MAF: variants seen among roughly 807,000 people sequenced by gnomAD.
MAF encodes the protein MAF bZIP transcription factor.
In MAF, 10 loss-of-function variants were observed where a neutral mutation model predicts 22.0. That is an observed-to-expected ratio of 0.45 (90% confidence interval 0.28 to 0.77). The LOEUF (loss-of-function observed/expected upper bound fraction) is 0.77. Ranked by LOEUF, MAF falls within the 30% of genes least tolerant of loss-of-function variation. The pLI, the probability that MAF is intolerant of heterozygous loss-of-function variation, is 0.12. For missense variants in MAF, 544 were observed against 548.4 expected (o/e 0.99, Z 0.08); for synonymous variants, 337 against 255.8 (o/e 1.32, Z -3.03).
the MAF span, among the ~76,000 whole-genome samples, chr16:79,307,272 G>C: frequency 8.5e-5 from 13 of 152,192 alleles, no homozygotes; most frequent in Non-Finnish European, 1.5e-4. Flanking sequence ...TGAACTCGTA[G>C]CCCTAGGAGC....
At chr16:79,586,692 T>C (rs1597833228) in intron 1 of MAF, among the ~76,000 whole-genome samples, 1 of 152,248 alleles carries the variant, frequency 6.6e-6, no homozygotes, top group African/African-American at 2.4e-5. Flanking sequence ...CTAATGTAAG[T>C]GGCAAAATAA....
chr16:79,476,623 G>C, the MAF span, among the ~76,000 whole-genome samples: 26 of 152,300 alleles, frequency 1.7e-4, no homozygotes, highest in African/African-American at 6.3e-4. Flanking sequence ...GAGAGGGAAA[G>C]GAGGATTCAC....
chr16:79,463,440 A>G, the MAF span, among the ~76,000 whole-genome samples: 1 of 152,184 alleles, frequency 6.6e-6, no homozygotes, highest in Non-Finnish European at 1.5e-5. Flanking sequence ...CACAATGACA[A>G]TTTGATTTTA....
At chr16:79,523,464 G>A in the MAF span, among the ~76,000 whole-genome samples, 5 of 152,184 alleles carry the variant, frequency 3.3e-5, no homozygotes, top group African/African-American at 1.2e-4. Flanking sequence ...CAATCTATAA[G>A]CGTGGGTTCA....
chr16:79,429,530 G>A, the MAF span, among the ~76,000 whole-genome samples: 3 of 152,160 alleles, frequency 2.0e-5, no homozygotes, highest in Non-Finnish European at 4.4e-5. Context: ...AAAGGAAGCA[G>A]CAGAGAGAGG....
At chr16:79,396,062 A>G in the MAF span, among the ~76,000 whole-genome samples, 14 of 152,314 alleles carry the variant, frequency 9.2e-5, 1 homozygote, top group South Asian at 2.3e-3. Flanking sequence ...CTACTTAGGT[A>G]TAAGAGATTG....
the MAF span, among the ~76,000 whole-genome samples, chr16:79,475,354 G>GTA: frequency 2.8e-5 from 4 of 140,814 alleles, no homozygotes; most frequent in Non-Finnish European, 3.2e-5. Context: ...ATATATGTAT[G>GTA]TATATATATG....
the MAF span, among the ~76,000 whole-genome samples, chr16:79,356,097 A>G: frequency 6.6e-6 from 1 of 151,816 alleles, no homozygotes; most frequent in African/African-American, 2.4e-5. Flanking sequence ...ACACACCCAC[A>G]CGTGCATTCA....
At chr16:79,287,284 C>T in the MAF span, among the ~76,000 whole-genome samples, 2 of 152,216 alleles carry the variant, frequency 1.3e-5, no homozygotes, top group South Asian at 2.1e-4. Flanking sequence ...ACACCTGCCA[C>T]GCTCCCAGCC....
the MAF span, among the ~76,000 whole-genome samples, chr16:79,316,562 G>A: frequency 5.3e-5 from 8 of 152,126 alleles, no homozygotes; most frequent in South Asian, 1.7e-3. Context: ...TTTTCAGCAT[G>A]CAATTAACCC....
the MAF span, among the ~76,000 whole-genome samples, chr16:79,403,631 G>A: frequency 6.6e-6 from 1 of 152,202 alleles, no homozygotes; most frequent in South Asian, 2.1e-4. Context: ...AGGCTGGGTT[G>A]AGTTCCTCTT....
downstream of MAF, among the ~76,000 whole-genome samples, chr16:79,589,693 C>G (rs907212969): frequency 1.1e-4 from 17 of 152,150 alleles, no homozygotes; most frequent in Non-Finnish European, 2.1e-4. Flanking sequence ...CCCAGGAGAG[C>G]GGCGCACCGG....
the MAF span, among the ~76,000 whole-genome samples, chr16:79,552,886 A>G: frequency 4.6e-5 from 7 of 152,344 alleles, no homozygotes; most frequent in South Asian, 1.2e-3. Flanking sequence ...TGCCATTGCA[A>G]TCCCAATCTA....
the MAF span, among the ~76,000 whole-genome samples, chr16:79,499,384 C>T: frequency 3.9e-5 from 6 of 152,176 alleles, no homozygotes; most frequent in African/African-American, 1.4e-4. Context: ...AATGACAACT[C>T]CACCCTCCAT....
the MAF span, among the ~76,000 whole-genome samples, chr16:79,483,459 C>G: frequency 6.6e-6 from 1 of 150,640 alleles, no homozygotes; most frequent in African/African-American, 2.4e-5. Flanking sequence ...ATTGTCCATG[C>G]TGGCATGGAG....
the MAF span, among the ~76,000 whole-genome samples, chr16:79,480,534 G>A: frequency 1.3e-5 from 2 of 152,102 alleles, no homozygotes; most frequent in African/African-American, 4.8e-5. Context: ...AAGGCCATTC[G>A]AGCTGGGCTT....
At chr16:79,385,892 G>C in the MAF span, among the ~76,000 whole-genome samples, 1 of 152,168 alleles carries the variant, frequency 6.6e-6, no homozygotes, top group Non-Finnish European at 1.5e-5. Flanking sequence ...GGGCTAAAGA[G>C]AGACTCTGTA....
chr16:79,548,506 T>C, the MAF span, among the ~76,000 whole-genome samples: 2 of 152,350 alleles, frequency 1.3e-5, no homozygotes, highest in South Asian at 2.1e-4. Flanking sequence ...GATTTAAAGA[T>C]ACACTATGAA....
the MAF span, chr16:79,204,439 A>T: frequency 1.3e-5 from 2 of 152,074 alleles, no homozygotes; most frequent in Non-Finnish European, 2.9e-5. Context: ...ACCCCAGCAA[A>T]GCATGTCTAG....
Sources: allele counts gnomAD v4.1 joint callset (sites outside exome capture counted in the v4.1 genomes callset), GRCh38; gene constraint gnomAD v4.1.1; transcripts MANE v1.5; gene names NCBI Gene and HGNC (gene_info 2026-07-23, HGNC 2026-07-21).